Variants in PPP2R2B observed in about 807,000 individuals in gnomAD.
PPP2R2B encodes the protein serine/threonine-protein phosphatase 2A 55 kDa regulatory subunit B beta isoform.
A neutral mutation model predicts 46.0 loss-of-function variants in PPP2R2B; 5 were observed. The observed-to-expected ratio is 0.11, with a 90% CI of 0.06 to 0.23. The LOEUF is 0.23. Ranked by LOEUF, PPP2R2B falls within the 10% of genes least tolerant of loss-of-function variation. The pLI, the probability that PPP2R2B is intolerant of heterozygous loss-of-function variation, is 1.00. For synonymous variants in PPP2R2B, 215 were observed against 206.7 expected, an observed-to-expected ratio of 1.04 and a Z score of -0.34; for missense variants, 367 against 575.0, an observed-to-expected ratio of 0.64 and a Z score of 3.70.
chr5:146,848,448 T>C (rs964011463), intron 2 of PPP2R2B, among the ~76,000 whole-genome samples: 1 of 152,134 alleles, frequency 6.6e-6, no homozygotes, highest in Non-Finnish European at 1.5e-5. Flanking sequence ...GCTGTGGCAG[T>C]TTCTCAGACT....
intron 1 of PPP2R2B, among the ~76,000 whole-genome samples, chr5:146,985,471 T>C (rs527980491): frequency 6.6e-6 from 1 of 152,226 alleles, no homozygotes; most frequent in African/African-American, 2.4e-5. Flanking sequence ...ATTCAAAAAA[T>C]TATTGCCTAA....
chr5:146,798,506 C>T (rs1044221426), intron 2 of PPP2R2B, among the ~76,000 whole-genome samples: 5 of 152,136 alleles, frequency 3.3e-5, no homozygotes, highest in African/African-American at 1.2e-4. Flanking sequence ...CATACTGAGC[C>T]TAGAGCAGGA....
chr5:146,764,126 T>C (rs1330869791), intron 2 of PPP2R2B, among the ~76,000 whole-genome samples: 1 of 152,028 alleles, frequency 6.6e-6, no homozygotes, highest in East Asian at 1.9e-4. Flanking sequence ...ACAGAGAAGA[T>C]GGAAGCTGGT....
In PPP2R2B at chr5:146,878,397, T is replaced by TTCCC; in HGVS notation, c.-125+193_-125+194insGGGA. 7 of 1,370,458 alleles carry TTCCC rather than the reference T, an allele frequency of 5.1e-6. No homozygotes were observed. The highest frequency in any genetic ancestry group is 2.6e-5 in the East Asian group (1 of 38,460). 84.9% of individuals were successfully genotyped at this position (1,370,458 alleles called of 1,614,324 possible). ...ATACGCCGTGCCCCGAGGGGTCTGG[T>TTCCC]CCCGCCCGCCCGCCCCGGAGGCGCT... On this transcript the variant is annotated intron_variant, in intron 1 of 9. Coordinates refer to ENST00000394411, the MANE Select transcript of PPP2R2B (RefSeq NM_181675.4). The surrounding 1 kb of genome is among the most constrained non-coding windows in gnomAD (Gnocchi z 4.5).
intron 2 of PPP2R2B, among the ~76,000 whole-genome samples, chr5:146,782,045 G>A (rs1401691349): frequency 6.6e-6 from 1 of 152,150 alleles, no homozygotes; most frequent in African/African-American, 2.4e-5. Context: ...GTTTGAAAGT[G>A]TGTAGCACCT....
intron 2 of PPP2R2B, among the ~76,000 whole-genome samples, chr5:146,751,981 C>A (rs1753582093): frequency 3.9e-5 from 6 of 152,012 alleles, no homozygotes; most frequent in Admixed American, 3.3e-4. Context: ...GGGAGGAGGC[C>A]AGATCATGTG....
At chr5:146,912,235 T>A (rs1469485152) in intron 1 of PPP2R2B, among the ~76,000 whole-genome samples, 1 of 78,908 alleles carries the variant, frequency 1.3e-5, no homozygotes, top group Non-Finnish European at 2.0e-5. Flanking sequence ...TGAGGCTCCG[T>A]CTCAAAAAAA....
chr5:146,649,232 C>T (rs1775782155), intron 6 of PPP2R2B, among the ~76,000 whole-genome samples: 1 of 152,116 alleles, frequency 6.6e-6, no homozygotes, highest in African/African-American at 2.4e-5. Flanking sequence ...GAGAAAACTC[C>T]ATATTGATAC....
At chr5:146,683,673 AG>A (rs1296549400) in intron 5 of PPP2R2B, among the ~76,000 whole-genome samples, 1 of 152,150 alleles carries the variant, frequency 6.6e-6, no homozygotes, top group Non-Finnish European at 1.5e-5. Context: ...GCCAATGAGC[AG>A]AACAGAAACA....
intron 1 of PPP2R2B, among the ~76,000 whole-genome samples, chr5:146,915,598 CT>C (rs1326773948): frequency 5.9e-5 from 9 of 152,134 alleles, no homozygotes; most frequent in African/African-American, 2.2e-4. Flanking sequence ...TTCCTTTACC[CT>C]AAGTTTAGCT....
At chr5:146,763,694 A>T (rs982092360) in intron 2 of PPP2R2B, among the ~76,000 whole-genome samples, 3 of 152,196 alleles carry the variant, frequency 2.0e-5, no homozygotes, top group Admixed American at 6.5e-5. Flanking sequence ...GCCACCTGCT[A>T]TGTTAAGGAC....
chr5:146,911,272 C>A (rs760411718), intron 1 of PPP2R2B, among the ~76,000 whole-genome samples: 3 of 152,028 alleles, frequency 2.0e-5, no homozygotes, highest in Non-Finnish European at 4.4e-5. Flanking sequence ...TTAGTAGAGA[C>A]GGGGTTTCGC....
intron 2 of PPP2R2B, among the ~76,000 whole-genome samples, chr5:147,076,357 C>T (rs1757765956): frequency 6.6e-6 from 1 of 152,008 alleles, no homozygotes; most frequent in African/African-American, 2.4e-5. Context: ...CAATTCCTTG[C>T]ACAGTATTTG....
intron 1 of PPP2R2B, among the ~76,000 whole-genome samples, chr5:146,950,416 T>C (rs992739407): frequency 6.6e-6 from 1 of 152,028 alleles, no homozygotes; most frequent in Non-Finnish European, 1.5e-5. Context: ...GTTGTTCTAC[T>C]TATCCAAAAT....
chr5:147,016,057 T>A (rs1322505264), intron 1 of PPP2R2B, among the ~76,000 whole-genome samples: 2 of 151,512 alleles, frequency 1.3e-5, no homozygotes, highest in Admixed American at 6.6e-5. Flanking sequence ...GTCCCCTAAG[T>A]TAAAACAAAA....
chr5:146,797,170 T>C (rs1222924159), intron 2 of PPP2R2B, among the ~76,000 whole-genome samples: 1 of 152,200 alleles, frequency 6.6e-6, no homozygotes, highest in African/African-American at 2.4e-5. Flanking sequence ...TTTTCAGCTA[T>C]TATTTGTAGT....
rs528909222 is a variant in PPP2R2B at position 146,600,286 on chromosome 5, T to C, written c.960+5A>G. 1.2e-6 allele frequency: 2 copies of C among 1,613,328 alleles called. No individual in the cohort carries two copies. Among genetic ancestry groups the C allele is most frequent in the South Asian group, 2.2e-5 (2 of 90,994 alleles). On this transcript the variant is annotated splice_donor_5th_base_variant and intron_variant, in intron 8 of 9. Transcript: ENST00000394411. ...ATATACCTATGGGTGCCTGGGGTTC[T>C]ATACCTGGTAAGTCTCGATGGGGCG...
intron 1 of PPP2R2B, among the ~76,000 whole-genome samples, chr5:146,950,142 A>T (rs958592011): frequency 6.6e-6 from 1 of 152,112 alleles, no homozygotes; most frequent in African/African-American, 2.4e-5. Context: ...ACGCAAAGAA[A>T]TGATGAATGC....
intron 2 of PPP2R2B, among the ~76,000 whole-genome samples, chr5:146,797,750 T>C (rs1027848663): frequency 6.6e-6 from 1 of 152,188 alleles, no homozygotes; most frequent in African/African-American, 2.4e-5. Context: ...ATTATCTCCC[T>C]CTTTGTTATC....
Sources: allele counts gnomAD v4.1 joint callset (sites outside exome capture counted in the v4.1 genomes callset), GRCh38; gene constraint gnomAD v4.1.1; non-coding constraint Gnocchi (gnomAD v3.1); transcripts MANE v1.5; gene names NCBI Gene and HGNC (gene_info 2026-07-23, HGNC 2026-07-21).